The following OLA1 variants were observed in gnomAD, a reference collection of about 807,000 sequenced individuals.
OLA1 encodes the protein obg-like ATPase 1.
In OLA1, 14 loss-of-function variants were observed where a neutral mutation model predicts 48.4. The observed-to-expected ratio is 0.29, with a 90% CI of 0.19 to 0.45. OLA1 has a LOEUF of 0.45. Ranked by LOEUF, OLA1 falls within the 20% of genes least tolerant of loss-of-function variation. The probability of loss-of-function intolerance (pLI) is 1.00; values close to 1 mark genes in which losing one functional copy is unlikely to be tolerated. For missense variants in OLA1, 325 were observed against 467.1 expected (o/e 0.70, Z 2.80); for synonymous variants, 127 against 150.4 (o/e 0.84, Z 1.14).
chr2:174,191,642 G>A (rs941545078), intron 4 of OLA1, among the ~76,000 whole-genome samples: 3 of 151,862 alleles, frequency 2.0e-5, no homozygotes, highest in African/African-American at 7.3e-5. Context: ...TTTAAAATTT[G>A]TGTAGATATG....
chr2:174,174,035 C>CAAAAAAAA (rs112671944), intron 4 of OLA1, among the ~76,000 whole-genome samples: 1 of 135,602 alleles, frequency 7.4e-6, no homozygotes, highest in Non-Finnish European at 1.6e-5. Flanking sequence ...CACACACACA[C>CAAAAAAAA]AAAAAAAAAA....
intron 4 of OLA1, among the ~76,000 whole-genome samples, chr2:174,147,537 A>T (rs1196514250): frequency 6.6e-6 from 1 of 152,212 alleles, no homozygotes; most frequent in Non-Finnish European, 1.5e-5. Flanking sequence ...AAAACATAAA[A>T]AAACCATACT....
chr2:174,165,972 A>G (rs1167166839), intron 4 of OLA1, among the ~76,000 whole-genome samples: 1 of 152,100 alleles, frequency 6.6e-6, no homozygotes, highest in Non-Finnish European at 1.5e-5. Flanking sequence ...AAAATACAAA[A>G]AAAGTAGCCG....
chr2:174,144,951 A>AAAAAAAAAAAT (rs1181030817), intron 4 of OLA1, among the ~76,000 whole-genome samples: 10 of 40,294 alleles, frequency 2.5e-4, no homozygotes, highest in Admixed American at 4.5e-4. Context: ...AAAAAAAAAA[A>AAAAAAAAAAAT]ATATATATAT....
chr2:174,184,092 A>G (rs1687603756), intron 4 of OLA1, among the ~76,000 whole-genome samples: 1 of 152,212 alleles, frequency 6.6e-6, no homozygotes, highest in African/African-American at 2.4e-5. Flanking sequence ...TAAAAATCCA[A>G]GTATCCAAAG....
At chr2:174,113,602 A>G (rs1022008496) in intron 7 of OLA1, among the ~76,000 whole-genome samples, 1 of 152,236 alleles carries the variant, frequency 6.6e-6, no homozygotes, top group African/African-American at 2.4e-5. Flanking sequence ...AAAACCCACA[A>G]ATGTTGTCTT....
chr2:174,144,951 A>AAAAAAAAAAAAT (rs1181030817), intron 4 of OLA1, among the ~76,000 whole-genome samples: 1 of 40,278 alleles, frequency 2.5e-5, no homozygotes, highest in Non-Finnish European at 4.0e-5. Context: ...AAAAAAAAAA[A>AAAAAAAAAAAAT]ATATATATAT....
At chr2:174,208,227 A>G (rs1688160774) in intron 4 of OLA1, among the ~76,000 whole-genome samples, 1 of 152,210 alleles carries the variant, frequency 6.6e-6, no homozygotes, top group Non-Finnish European at 1.5e-5. Context: ...TTAATGGGTC[A>G]GCAAAATTAC....
intron 4 of OLA1, among the ~76,000 whole-genome samples, chr2:174,195,864 T>C (rs1006778884): frequency 3.3e-5 from 5 of 152,156 alleles, no homozygotes; most frequent in Non-Finnish European, 7.4e-5. Flanking sequence ...GATAATAAAC[T>C]TACTTTAAAT....
In OLA1 at chr2:174,224,491, C is replaced by T. The variant is rs75835703; in HGVS notation, c.246-1331G>A. Among the ~76,000 whole-genome samples the T allele has an allele frequency of 4.9e-3, 744 of 152,248 alleles. 6 individuals are homozygous for T. Among genetic ancestry groups the T allele is most frequent in the African/African-American group, 0.012 (507 of 41,540 alleles). On this transcript the variant is annotated intron_variant, in intron 3 of 10. Coordinates refer to ENST00000284719, the MANE Select transcript of OLA1 (RefSeq NM_013341.5). ...TAATTGCCTCAAAGAACTTAAGAAG[C>T]CAGGCATGGTGGCATACATCTGTAG...
chr2:174,242,345 T>C (rs1016615620), intron 2 of OLA1, among the ~76,000 whole-genome samples: 6 of 152,208 alleles, frequency 3.9e-5, no homozygotes, highest in Non-Finnish European at 5.9e-5. Context: ...CAACAGGGCC[T>C]GCGCTCCTCT....
chr2:174,239,418 G>A (rs12474670), intron 2 of OLA1, among the ~76,000 whole-genome samples: 21,193 of 152,032 alleles, frequency 0.14, 1,635 homozygotes, highest in East Asian at 0.23. Context: ...TGTCACTTAT[G>A]TGCTCAAAAG....
chr2:174,222,988 A>G, intron 4 of OLA1, 45 bp downstream of exon 4: 1 of 1,560,298 alleles, frequency 6.4e-7, no homozygotes, highest in Non-Finnish European at 8.7e-7. Flanking sequence ...GAAAGAAAAC[A>G]CTGATCTGAA....
intron 7 of OLA1, among the ~76,000 whole-genome samples, chr2:174,088,613 T>C (rs572779115): frequency 1.3e-5 from 2 of 152,304 alleles, no homozygotes; most frequent in South Asian, 2.1e-4. Context: ...ATTTTCTGAA[T>C]GGAGGTTATT....
intron 4 of OLA1, among the ~76,000 whole-genome samples, chr2:174,145,907 T>C (rs1163967231): frequency 6.6e-6 from 1 of 152,184 alleles, no homozygotes; most frequent in Non-Finnish European, 1.5e-5. Context: ...CTACATAAAA[T>C]AGGGCAATAT....
At chr2:174,159,024 C>T (rs984452600) in intron 4 of OLA1, among the ~76,000 whole-genome samples, 2 of 152,170 alleles carry the variant, frequency 1.3e-5, no homozygotes, top group African/African-American at 4.8e-5. Context: ...CACTTAGTTA[C>T]AGGCTATCAT....
At chr2:174,132,160 CCT>C (rs934917811) in intron 5 of OLA1, among the ~76,000 whole-genome samples, 1 of 151,900 alleles carries the variant, frequency 6.6e-6, no homozygotes, top group African/African-American at 2.4e-5. Flanking sequence ...CTTATAATAT[CCT>C]CTTAGTAGCC....
intron 7 of OLA1, among the ~76,000 whole-genome samples, chr2:174,121,053 A>G (rs555940758): frequency 2.6e-4 from 40 of 152,358 alleles, no homozygotes; most frequent in African/African-American, 9.4e-4. Context: ...ATGCTAACAC[A>G]ATTAAAAGGA....
At chr2:174,092,369 A>T (rs1436857050) in intron 7 of OLA1, among the ~76,000 whole-genome samples, 1 of 152,096 alleles carries the variant, frequency 6.6e-6, no homozygotes, top group Non-Finnish European at 1.5e-5. Flanking sequence ...AGGTAAAAGA[A>T]CATTTAGGGC....
Sources: allele counts gnomAD v4.1 joint callset (sites outside exome capture counted in the v4.1 genomes callset), GRCh38; gene constraint gnomAD v4.1.1; transcripts MANE v1.5; gene names NCBI Gene and HGNC (gene_info 2026-07-23, HGNC 2026-07-21).